Variants in ZPLD1 observed in about 807,000 individuals in gnomAD.
The protein encoded by ZPLD1 is zona pellucida-like domain-containing protein 1.
In ZPLD1, 34 loss-of-function variants were observed where a neutral mutation model predicts 47.2. The ratio of observed to expected loss-of-function variants is 0.72; its 90% CI spans 0.55 to 0.96. ZPLD1 has a LOEUF of 0.96. Ranked by LOEUF, ZPLD1 falls within the 40% of genes least tolerant of loss-of-function variation. The pLI is 0.00. For missense variants in ZPLD1, 512 were observed against 505.8 expected (o/e 1.01, Z -0.12); for synonymous variants, 176 against 186.2 (o/e 0.95, Z 0.45).
chr3:102,443,223 G>A lies in ZPLD1; in HGVS notation c.106+4630G>A, dbSNP rs538483681. Among the ~76,000 whole-genome samples the A allele has an allele frequency of 2.6e-5, 4 of 152,218 alleles. No homozygotes were observed. The East Asian group carries it at 7.7e-4, about 29-fold the overall frequency. ...GTGAACTAAGTAGTCATGGGAAACT[G>A]AATATGAGTCAGTGTTTCATAACAT... On this transcript the variant is annotated intron_variant, in intron 3 of 11. Transcript: ENST00000466937.
intron 7 of ZPLD1, among the ~76,000 whole-genome samples, chr3:102,398,903 T>C (rs147796241): frequency 0.015 from 2,219 of 151,284 alleles, 27 homozygotes; most frequent in Non-Finnish European, 0.022. Context: ...CACACACACA[T>C]ATGCACGCAC....
At chr3:102,404,237 G>A (rs1467483672) in intron 7 of ZPLD1, among the ~76,000 whole-genome samples, 1 of 151,924 alleles carries the variant, frequency 6.6e-6, no homozygotes, top group Non-Finnish European at 1.5e-5. Context: ...CATTGGATAT[G>A]CGTGTAAATA....
chr3:102,460,690 C>A (rs988568940), intron 6 of ZPLD1, among the ~76,000 whole-genome samples: 1 of 151,774 alleles, frequency 6.6e-6, no homozygotes, highest in African/African-American at 2.4e-5. Context: ...AGCCACCATA[C>A]AAATTAAAGT....
chr3:102,416,470 C>T (rs1706805903), intron 7 of ZPLD1, among the ~76,000 whole-genome samples: 1 of 151,804 alleles, frequency 6.6e-6, no homozygotes, highest in Admixed American at 6.6e-5. Context: ...GATATGCGTT[C>T]AAAGCGAAAC....
At chr3:102,464,714 A>G (rs1237335827) in intron 8 of ZPLD1, among the ~76,000 whole-genome samples, 1 of 152,196 alleles carries the variant, frequency 6.6e-6, no homozygotes, top group Non-Finnish European at 1.5e-5. Flanking sequence ...TAAAACTATA[A>G]TATAACCTAC....
At chr3:102,417,008 G>T (rs1158039560) in intron 7 of ZPLD1, among the ~76,000 whole-genome samples, 1 of 151,912 alleles carries the variant, frequency 6.6e-6, no homozygotes, top group Non-Finnish European at 1.5e-5. Flanking sequence ...GGTCCAGGGG[G>T]TTGACTAGAA....
chr3:102,385,878 T>C (rs1706419271), intron 6 of ZPLD1, among the ~76,000 whole-genome samples: 2 of 152,336 alleles, frequency 1.3e-5, no homozygotes, highest in South Asian at 2.1e-4. Context: ...AACAGGGCAA[T>C]AGCTACAAGC....
chr3:102,452,833 T>C, intron 3 of ZPLD1, 86 bp from the exon 4 acceptor site: 1 of 1,416,190 alleles, frequency 7.1e-7, no homozygotes, highest in Non-Finnish European at 9.7e-7. Flanking sequence ...ACAAAGGAGA[T>C]GAATAAATAT....
At chr3:102,423,999 C>T (rs941661223) in intron 8 of ZPLD1, among the ~76,000 whole-genome samples, 8 of 152,084 alleles carry the variant, frequency 5.3e-5, no homozygotes, top group African/African-American at 1.9e-4. Context: ...AAACTGTGTA[C>T]CAATGCTAAT....
rs34634788 is a variant in ZPLD1, at chr3:102,442,319, A to AACACAC, written c.106+3766_106+3771dup. Among the ~76,000 whole-genome samples, 126 of 139,946 alleles carry AACACAC rather than the reference A, an allele frequency of 9.0e-4. 1 individual carries two copies. Among genetic ancestry groups the AACACAC allele is most frequent in the Middle Eastern group, 3.6e-3 (1 of 276 alleles). The allele number at this position is 139,946 out of a possible 152,430, so 91.8% of individuals were successfully genotyped here. On this transcript the variant is annotated intron_variant, in intron 3 of 11. Coordinates refer to ENST00000466937, the MANE Select transcript of ZPLD1 (RefSeq NM_001329788.2). ...ATATTCATAAACACATACACCCATA[A>AACACAC]ACACACACACACACACACACACACA...
intron 7 of ZPLD1, among the ~76,000 whole-genome samples, chr3:102,413,319 G>C (rs1451840535): frequency 6.6e-6 from 1 of 151,802 alleles, no homozygotes; most frequent in Non-Finnish European, 1.5e-5. Flanking sequence ...GATGGTCATA[G>C]ACACTTTCTC....
At chr3:102,447,593 C>G (rs898242183) in intron 3 of ZPLD1, among the ~76,000 whole-genome samples, 14 of 152,044 alleles carry the variant, frequency 9.2e-5, no homozygotes, top group Admixed American at 9.2e-4. Flanking sequence ...TATAAAATAA[C>G]TGGAAAATAT....
chr3:102,437,834 C>G (rs1707114267), intron 2 of ZPLD1, among the ~76,000 whole-genome samples: 2 of 152,216 alleles, frequency 1.3e-5, no homozygotes, highest in Admixed American at 6.5e-5. Context: ...CACCAAGGAG[C>G]AGTTGTGGGA....
At chr3:102,464,309 G>C in intron 8 of ZPLD1, 58 bp downstream of exon 8, 2 of 1,168,710 alleles carry the variant, frequency 1.7e-6, no homozygotes, top group South Asian at 2.5e-5. Context: ...GTAGATAATT[G>C]AAATGGAATA....
In ZPLD1 at chr3:102,459,990, A is replaced by AT. The variant is rs1559758738; in HGVS notation, c.582+2143dup. 2.0e-5 allele frequency among the ~76,000 whole-genome samples: 3 copies of AT among 152,060 alleles called. No homozygotes were observed. The South Asian group carries it at 6.2e-4, about 31-fold the overall frequency. On this transcript the variant is annotated intron_variant, in intron 6 of 11. Transcript: ENST00000466937. ...AGAGTTTCAATGCCTCAAACTAAAA[A>AT]TTTTTTAACACAGTGTCATCATAGT...
chr3:102,406,057 G>C (rs762003204), intron 7 of ZPLD1, among the ~76,000 whole-genome samples: 5 of 151,968 alleles, frequency 3.3e-5, no homozygotes, highest in Admixed American at 6.6e-5. Flanking sequence ...GGATCTGACA[G>C]AAACGCTTGC....
intron 2 of ZPLD1, 132 bp from the exon 3 acceptor site, chr3:102,438,348 T>C: frequency 1.7e-6 from 1 of 603,670 alleles, no homozygotes. Context: ...TCCTCAGTTA[T>C]TTCGTGAGCT....
chr3:102,444,360 T>C (rs1707224926), intron 3 of ZPLD1, among the ~76,000 whole-genome samples: 1 of 152,220 alleles, frequency 6.6e-6, no homozygotes, highest in Non-Finnish European at 1.5e-5. Flanking sequence ...ACCTGTTCAA[T>C]ATACAGAGGA....
chr3:102,439,327 G>A (rs1707139396), intron 3 of ZPLD1, among the ~76,000 whole-genome samples: 1 of 152,178 alleles, frequency 6.6e-6, no homozygotes, highest in Admixed American at 6.5e-5. Context: ...CCTGTGTTTG[G>A]AGCATGCTAT....
Sources: allele counts gnomAD v4.1 joint callset (sites outside exome capture counted in the v4.1 genomes callset), GRCh38; gene constraint gnomAD v4.1.1; transcripts MANE v1.5; gene names NCBI Gene and HGNC (gene_info 2026-07-23, HGNC 2026-07-21).